SHROOM3: variants seen among roughly 807,000 people sequenced by gnomAD.
The protein encoded by SHROOM3 is shroom family member 3.
SHROOM3 carries 47 observed loss-of-function variants against 138.6 expected under a neutral mutation model. The ratio of observed to expected loss-of-function variants is 0.34; its 90% confidence interval spans 0.27 to 0.43. The LOEUF (loss-of-function observed/expected upper bound fraction) is 0.43. SHROOM3 is among the 20% of genes least tolerant of loss of function. The pLI, the probability that SHROOM3 is intolerant of heterozygous loss-of-function variation, is 1.00. For synonymous variants in SHROOM3, 1,062 were observed against 1,063.3 expected (o/e 1.00, Z 0.02); for missense variants, 2,491 against 2,596.5 (o/e 0.96, Z 0.88).
At chr4:76,552,542 TATATA>T (rs918916491) in intron 1 of SHROOM3, among the ~76,000 whole-genome samples, 26 of 150,670 alleles carry the variant, frequency 1.7e-4, no homozygotes, top group Admixed American at 8.0e-4. Flanking sequence ...ATATATCAAT[TATATA>T]ATATATGTAT....
intron 3 of SHROOM3, among the ~76,000 whole-genome samples, chr4:76,720,151 GTTTTTTTTTT>G (rs59839066): frequency 1.2e-5 from 1 of 82,998 alleles, no homozygotes; most frequent in African/African-American, 4.9e-5. Context: ...TGTTTTTTAG[GTTTTTTTTTT>G]TTTTTTTTTT....
intron 9 of SHROOM3, among the ~76,000 whole-genome samples, chr4:76,768,191 T>C (rs1291360363): frequency 1.3e-5 from 2 of 152,220 alleles, no homozygotes; most frequent in Admixed American, 1.3e-4. Context: ...ATTTGACTTG[T>C]CTTAACCCAG....
intron 2 of SHROOM3, among the ~76,000 whole-genome samples, chr4:76,668,509 G>A (rs903589247): frequency 1.3e-5 from 2 of 152,122 alleles, no homozygotes; most frequent in Non-Finnish European, 2.9e-5. Context: ...GGAGGCAGAG[G>A]TTGCAGTGGG....
At chr4:76,503,911 A>G (rs1222694383) in intron 1 of SHROOM3, among the ~76,000 whole-genome samples, 3 of 152,018 alleles carry the variant, frequency 2.0e-5, no homozygotes, top group Middle Eastern at 3.2e-3. Context: ...AGACTTTTCC[A>G]TCTCTTAAGA....
chr4:76,670,475 T>A (rs1298859105), intron 2 of SHROOM3, among the ~76,000 whole-genome samples: 4 of 152,130 alleles, frequency 2.6e-5, no homozygotes, highest in African/African-American at 9.7e-5. Context: ...TTGGGGGTGA[T>A]GAAAATGTCC....
At chr4:76,698,731 G>A (rs534288705) in intron 2 of SHROOM3, among the ~76,000 whole-genome samples, 5 of 152,230 alleles carry the variant, frequency 3.3e-5, no homozygotes, top group South Asian at 4.2e-4. Context: ...TAGTGCCTGC[G>A]ACTCCTGCCA....
Position 76,741,682 on chromosome 4 carries a change from G to A in SHROOM3, c.3509G>A (p.Arg1170His), listed in dbSNP as rs752681197. 3 of 1,552,090 alleles carry A rather than the reference G, an allele frequency of 1.9e-6. No individual in the cohort carries two copies. Among genetic ancestry groups the A allele is most frequent in the Admixed American group, 1.9e-5 (1 of 52,216 alleles). Residue 1170 changes from arginine (R) to histidine (H), a missense_variant, in exon 5 of 11, where the codon CGC (arginine) becomes CAC (histidine). Physicochemically the swap from Arg to His is conservative, Grantham distance 29 (BLOSUM62 0). This residue lies in a region of SHROOM3 where 1,733 missense variants were observed against 1,661.6 expected (regional missense o/e 1.04). Coordinates refer to ENST00000296043, the MANE Select transcript of SHROOM3 (RefSeq NM_020859.4). The surrounding 1 kb of genome is among the most constrained non-coding windows in gnomAD (Gnocchi z 6.2). ...VAETQQAPRDRSSSFAGGRRL... is the reference protein window; with the variant it reads ...VAETQQAPRDHSSSFAGGRRL... ...GAAACCCAGCAGGCTCCCCGAGATC[G>A]CAGCAGCTCCTTCGCCGGTGGCCGC...
At chr4:76,604,454 C>G (rs768710459) in intron 2 of SHROOM3, among the ~76,000 whole-genome samples, 1 of 152,132 alleles carries the variant, frequency 6.6e-6, no homozygotes, top group African/African-American at 2.4e-5. Flanking sequence ...CACTTGCTTT[C>G]CTACATAAAG....
intron 2 of SHROOM3, among the ~76,000 whole-genome samples, chr4:76,615,496 T>C (rs1446659313): frequency 1.3e-5 from 2 of 152,222 alleles, no homozygotes; most frequent in Non-Finnish European, 2.9e-5. Context: ...TCATGGTGTT[T>C]ACAAATCCTG....
At chr4:76,464,785 T>A (rs1488928864) in intron 1 of SHROOM3, among the ~76,000 whole-genome samples, 1 of 152,126 alleles carries the variant, frequency 6.6e-6, no homozygotes, top group African/African-American at 2.4e-5. Flanking sequence ...CTTCTCTCTC[T>A]CTCCTGCACC....
rs1172922746 is a variant in SHROOM3, at chr4:76,629,907, G to A, written c.323+74144G>A. 2.0e-5 allele frequency among the ~76,000 whole-genome samples: 3 copies of A among 152,196 alleles called. No homozygotes were observed. The South Asian group carries it at 6.2e-4, about 32-fold the overall frequency. On this transcript the variant is annotated intron_variant, in intron 2 of 10. Transcript: ENST00000296043. ...TCTGGTATTTAGGAGTGGAAACTGG[G>A]CTGGATATGTGAATTTTGGAGTCTT...
At chr4:76,589,477 A>AAG (rs1334904852) in intron 2 of SHROOM3, among the ~76,000 whole-genome samples, 1 of 151,870 alleles carries the variant, frequency 6.6e-6, no homozygotes, top group Admixed American at 6.6e-5. Flanking sequence ...CATAAAAAAA[A>AAG]AAAAAAGAAA....
At chr4:76,673,401 A>ATT (rs534101032) in intron 2 of SHROOM3, among the ~76,000 whole-genome samples, 9 of 150,550 alleles carry the variant, frequency 6.0e-5, no homozygotes, top group Non-Finnish European at 8.9e-5. Flanking sequence ...AGAAAGAAAG[A>ATT]TTTTTTTTTT....
intron 1 of SHROOM3, among the ~76,000 whole-genome samples, chr4:76,443,772 G>A (rs1414328966): frequency 2.0e-5 from 3 of 152,194 alleles, no homozygotes; most frequent in South Asian, 4.1e-4. Flanking sequence ...TGCCTTCAGA[G>A]GAAGCTTTCC....
At chr4:76,510,575 T>A (rs1732313549) in intron 1 of SHROOM3, among the ~76,000 whole-genome samples, 2 of 152,356 alleles carry the variant, frequency 1.3e-5, no homozygotes, top group African/African-American at 4.8e-5. Flanking sequence ...CAGTGAGTGC[T>A]AAGTGTTAGC....
intron 2 of SHROOM3, among the ~76,000 whole-genome samples, chr4:76,625,284 T>A (rs574275232): frequency 6.6e-6 from 1 of 152,376 alleles, no homozygotes; most frequent in African/African-American, 2.4e-5. Flanking sequence ...TTAAATATTC[T>A]GTTTTCAAAT....
At chr4:76,646,230 A>ATATATATATATATG (rs1560578540) in intron 2 of SHROOM3, among the ~76,000 whole-genome samples, 2 of 139,812 alleles carry the variant, frequency 1.4e-5, no homozygotes, top group East Asian at 4.3e-4. Context: ...AAATAAATAT[A>ATATATATATATATG]TATATATATA....
At chr4:76,620,200 T>C (rs950633501) in intron 2 of SHROOM3, among the ~76,000 whole-genome samples, 2 of 151,920 alleles carry the variant, frequency 1.3e-5, no homozygotes, top group African/African-American at 4.8e-5. Flanking sequence ...AAATGGGCAA[T>C]TTGGGAAGAC....
intron 1 of SHROOM3, among the ~76,000 whole-genome samples, chr4:76,441,401 C>A (rs187383006): frequency 6.6e-6 from 1 of 152,150 alleles, no homozygotes; most frequent in Admixed American, 6.5e-5. Flanking sequence ...CCCCTGAGTT[C>A]AATTTGAAAT....
Sources: gnomAD v4.1 joint callset for allele counts (sites outside exome capture counted in the v4.1 genomes callset) on GRCh38, gnomAD v4.1.1 for gene constraint, gnomAD v4.1.1 regional missense constraint, Gnocchi (gnomAD v3.1) non-coding constraint, MANE v1.5 for transcripts, NCBI Gene and HGNC (gene_info 2026-07-23, HGNC 2026-07-21) for gene names.